Variants in ARG1 observed in about 807,000 individuals in gnomAD.
The protein encoded by ARG1 is arginase 1, also known as arginase-1.
In ARG1, 20 loss-of-function variants were observed where a neutral mutation model predicts 33.0. That is an observed-to-expected ratio of 0.61 (90% CI 0.43 to 0.88). The LOEUF (loss-of-function observed/expected upper bound fraction) is 0.88. Among genes scored for constraint, ARG1 ranks in the 40% least tolerant of loss-of-function variants. The pLI is 0.00. For missense variants in ARG1, 374 were observed against 384.7 expected (o/e 0.97, Z 0.23); for synonymous variants, 146 against 140.6 (o/e 1.04, Z -0.27).
rs779162184 is a variant in ARG1, at chr6:131,584,284, T to G, written c.*376T>G. ...TGTGGAAAGGTACTATGTGTCCATG[T>G]CATTCAAAAAATGTGATTTTTTATA... is the stretch of plus-strand genomic sequence containing the variant. On this transcript the variant is annotated 3_prime_UTR_variant, in exon 8 of 8. Coordinates refer to ENST00000368087, the MANE Select transcript of ARG1 (RefSeq NM_000045.4). 1 of 209,672 alleles carries G rather than the reference T, an allele frequency of 4.8e-6. No individual in the cohort carries two copies. 13.0% of individuals were successfully genotyped at this position (209,672 alleles called of 1,614,324 possible).
chr6:131,582,575 G>A, intron 4 of ARG1, 46 bp from the exon 5 acceptor site: 1 of 1,447,078 alleles, frequency 6.9e-7, no homozygotes, highest in Non-Finnish European at 9.7e-7. Context: ...TGTAGGATTT[G>A]TTCAAGAGAA....
chr6:131,581,517 G>A, intron 4 of ARG1, 139 bp downstream of exon 4: 1 of 1,058,442 alleles, frequency 9.4e-7, no homozygotes, highest in Admixed American at 2.1e-5. Context: ...AATAAGCAAA[G>A]GGTTGGTTGA....
rs776939220 is a variant in ARG1 at position 131,581,284 on chromosome 6, A to AT, written c.372dup (p.Ala125CysfsTer4). 1.9e-6 allele frequency: 3 copies of AT among 1,613,936 alleles called. No individual in the cohort carries two copies. On this transcript the variant is annotated frameshift_variant, in exon 4 of 8. Coordinates refer to ENST00000368087, the MANE Select transcript of ARG1 (RefSeq NM_000045.4). LOFTEE classifies it high-confidence loss of function. ...CCTGATCTTGGAGTCATCTGGGTGG[A>AT]TGCTCACACTGATATCAACACTCCA... is the stretch of plus-strand genomic sequence containing the variant.
Position 131,583,864 on chromosome 6 carries a change from G to C in ARG1, c.925G>C (p.Glu309Gln). 6.2e-7 allele frequency: 1 copy of C among 1,614,130 alleles called. No individual in the cohort carries two copies. The highest frequency in any genetic ancestry group is 8.5e-7 in the Non-Finnish European group (1 of 1,179,998). Residue 309 changes from glutamate (E) to glutamine (Q), a missense_variant, in exon 8 of 8, where the codon GAG (glutamate) becomes CAG (glutamine). Physicochemically the swap from Glu to Gln is conservative, Grantham distance 29. Coordinates refer to ENST00000368087, the MANE Select transcript of ARG1 (RefSeq NM_000045.4). Reference protein sequence around the residue: ...ITLACFGLAREGNHKPIDYLN... With the variant: ...ITLACFGLARQGNHKPIDYLN... ...CTTGGCTTGTTTCGGACTTGCTCGG[G>C]AGGGTAATCACAAGCCTATTGACTA...
At position 131,573,279 on chromosome 6, in the gene ARG1, G is replaced by C. The variant is rs757468683; in HGVS notation, c.-4G>C. On this transcript the variant is annotated 5_prime_UTR_variant, in exon 1 of 8. Transcript: ENST00000368087. Reference sequence around the variant, plus strand: ...TCAAGTGCAGCAAAGAGAAGTGTCAGAGCATGAGCGCCAAGTCCAGAACCA... The same window carrying C: ...TCAAGTGCAGCAAAGAGAAGTGTCACAGCATGAGCGCCAAGTCCAGAACCA... 10 of 1,614,048 alleles carry C rather than the reference G, an allele frequency of 6.2e-6. No homozygotes were observed. The highest frequency in any genetic ancestry group is 1.7e-5 in the Admixed American group (1 of 60,016).
Position 131,584,279 on chromosome 6 carries a change from C to A in ARG1, c.*371C>A. The stretch of plus-strand genomic sequence containing the variant: ...CCACATGTGGAAAGGTACTATGTGT[C>A]CATGTCATTCAAAAAATGTGATTTT... On this transcript the variant is annotated 3_prime_UTR_variant, in exon 8 of 8. Coordinates refer to ENST00000368087, the MANE Select transcript of ARG1 (RefSeq NM_000045.4). 1 of 210,946 alleles carries A rather than the reference C, an allele frequency of 4.7e-6. No homozygotes were observed. The highest frequency in any genetic ancestry group is 1.9e-3 in the Middle Eastern group (1 of 518). 13.1% of individuals were successfully genotyped at this position (210,946 alleles called of 1,614,324 possible). A position where few individuals can be genotyped will look rare whatever the true frequency, so the allele number is the denominator to read the frequency against.
rs1307053782 is a variant in ARG1, at chr6:131,583,378, G to A, written c.689G>A (p.Ser230Asn). 1.2e-6 allele frequency: 2 copies of A among 1,614,166 alleles called. No homozygotes were observed. The highest frequency in any genetic ancestry group is 1.7e-6 in the Non-Finnish European group (2 of 1,180,014). ...LGRKKRPIHL[S>N]FDVDGLDPSF... is the part of the protein sequence containing the mutation. ...AGAAAGAAAAGGCCAATTCATCTAA[G>A]TTTTGATGTTGACGGACTGGACCCA... The change falls in exon 7 of 8, where the codon AGT becomes AAT. Residue 230 changes from serine (S) to asparagine (N), a missense_variant. Ser to Asn is a conservative substitution (Grantham distance 46, BLOSUM62 1). Transcript: ENST00000368087.
At chr6:131,579,833 T>C (rs1353206238) in intron 3 of ARG1, among the ~76,000 whole-genome samples, 1 of 151,420 alleles carries the variant, frequency 6.6e-6, no homozygotes, top group East Asian at 1.9e-4. Flanking sequence ...GTTTAACGTG[T>C]GTGTGTGTGT....
intron 1 of ARG1, among the ~76,000 whole-genome samples, chr6:131,576,417 C>T (rs575110162): frequency 6.6e-6 from 1 of 152,316 alleles, no homozygotes; most frequent in South Asian, 2.1e-4. Flanking sequence ...GGCTCTGCCA[C>T]TTATTAGCTG....
At chr6:131,577,699 C>T (rs1299905594) in intron 2 of ARG1, among the ~76,000 whole-genome samples, 2 of 151,650 alleles carry the variant, frequency 1.3e-5, no homozygotes, top group South Asian at 4.2e-4. Flanking sequence ...CTCAGGAGTT[C>T]AAGACCAGCC....
At chr6:131,582,760 T>C in intron 5 of ARG1, 45 bp downstream of exon 5, 2 of 1,552,230 alleles carry the variant, frequency 1.3e-6, no homozygotes, top group Non-Finnish European at 1.8e-6. Flanking sequence ...TTTGTCCCTT[T>C]GTGTGCTAGA....
chr6:131,582,813 A>G, intron 5 of ARG1, 98 bp downstream of exon 5: 1 of 987,506 alleles, frequency 1.0e-6, no homozygotes, highest in Non-Finnish European at 1.6e-6. Flanking sequence ...TTAAACATCA[A>G]GACACACACA....
intron 7 of ARG1, 32 bp from the exon 8 acceptor site, chr6:131,583,710 A>G: frequency 6.2e-7 from 1 of 1,604,324 alleles, no homozygotes; most frequent in South Asian, 1.1e-5. Flanking sequence ...CAACTATTTT[A>G]TAAATTACAT....
rs748734055 is a variant in ARG1 at position 131,579,039 on chromosome 6, T to C, written c.131-72T>C. 11 of 1,537,526 alleles carry C rather than the reference T, an allele frequency of 7.2e-6. No individual in the cohort carries two copies. The South Asian group carries it at 8.1e-5, about 11-fold the overall frequency. ...GTGAATATATGCCTATTTTATACAA[T>C]TGAGATCATCCTACACAGACTGATT... On this transcript the variant is annotated intron_variant, in intron 2 of 7. Transcript: ENST00000368087.
In ARG1 at chr6:131,576,726, AAAGAAC is replaced by A; in HGVS notation, c.125_130del (p.Gln43_Glu44del). On this transcript the variant is annotated inframe_deletion, in exon 2 of 8. Transcript: ENST00000368087. The stretch of plus-strand genomic sequence containing the variant: ...AAAGGCTGGTCTGCTTGAGAAACTT[AAAGAAC>A]AAGGTAATTTTTAAGTTGAAAAATG... The A allele has an allele frequency of 6.2e-7, 1 of 1,613,742 alleles. No homozygotes were observed. The highest frequency in any genetic ancestry group is 8.5e-7 in the Non-Finnish European group (1 of 1,179,674).
In ARG1 at chr6:131,573,339, G is replaced by A. The variant is rs150766204; in HGVS notation, c.57G>A (p.Gln19=). ...TTGGAGCTCCTTTCTCAAAGGGACA[G>A]GTAAGGAAAAAAGTCTTTCTTTGAA... ...GIIGAPFSKG[Q]PRGGVEEGPT... is the part of the protein sequence containing the mutation. The change falls in exon 1 of 8, where the codon CAG becomes CAA. Residue 19 remains glutamine (Q), a splice_region_variant and synonymous_variant. Transcript: ENST00000368087. 7.0e-4 allele frequency: 1,124 copies of A among 1,613,888 alleles called. 15 individuals are homozygous for A. The East Asian group carries it at 0.021, about 30-fold the overall frequency.
intron 4 of ARG1, among the ~76,000 whole-genome samples, chr6:131,582,303 A>T (rs1317424914): frequency 3.3e-5 from 5 of 152,182 alleles, no homozygotes; most frequent in Non-Finnish European, 7.3e-5. Flanking sequence ...TTAAGGACTT[A>T]CTGAGAAAGG....
intron 4 of ARG1, 70 bp from the exon 5 acceptor site, chr6:131,582,551 T>C (rs1773980757): frequency 8.4e-7 from 1 of 1,184,866 alleles, no homozygotes; most frequent in East Asian, 2.3e-5. Flanking sequence ...CCAATATGTG[T>C]CTTTACCTTT....
At chr6:131,575,437 G>A (rs1773567870) in intron 1 of ARG1, among the ~76,000 whole-genome samples, 1 of 152,120 alleles carries the variant, frequency 6.6e-6, no homozygotes, top group African/African-American at 2.4e-5. Context: ...TACTTGATTG[G>A]GGAGAGGCAG....
Sources: gnomAD v4.1 joint callset for allele counts (sites outside exome capture counted in the v4.1 genomes callset) on GRCh38, gnomAD v4.1.1 for gene constraint, MANE v1.5 for transcripts, NCBI Gene and HGNC (gene_info 2026-07-23, HGNC 2026-07-21) for gene names.